Variants in TYW1B observed in about 807,000 individuals in gnomAD.
TYW1B encodes tRNA-yW synthesizing protein 1 homolog B, also known as S-adenosyl-L-methionine-dependent tRNA 4-demethylwyosine synthase TYW1B.
Under a neutral mutation model 86.9 loss-of-function variants are expected in TYW1B, and 73 were observed. The observed-to-expected ratio is 0.84, with a 90% CI of 0.70 to 1.02. The LOEUF is 1.02. Among genes scored for constraint, TYW1B ranks in the 50% least tolerant of loss-of-function variants. The probability of loss-of-function intolerance (pLI) is 0.00; values close to 1 mark genes in which losing one functional copy is unlikely to be tolerated. For synonymous variants in TYW1B, 248 were observed against 292.8 expected (o/e 0.85, Z 1.56); for missense variants, 637 against 827.4 (o/e 0.77, Z 2.82).
chr7:72,639,460 T>C (rs1554441222), intron 11 of TYW1B, among the ~76,000 whole-genome samples: 1 of 150,732 alleles, frequency 6.6e-6, no homozygotes, highest in East Asian at 2.0e-4. Flanking sequence ...AGCCACCACA[T>C]CCAGCTTGTT....
intron 2 of TYW1B, among the ~76,000 whole-genome samples, chr7:72,823,598 G>A (rs1436156546): frequency 2.0e-5 from 3 of 151,646 alleles, no homozygotes; most frequent in Admixed American, 6.6e-5. Flanking sequence ...CCAGCCTGGC[G>A]ACACAGGGAG....
chr7:72,744,102 C>T (rs1275575246), intron 8 of TYW1B, among the ~76,000 whole-genome samples: 1 of 151,806 alleles, frequency 6.6e-6, no homozygotes, highest in Non-Finnish European at 1.5e-5. Context: ...TAGCATAAAA[C>T]TAGTCGTAGA....
chr7:72,637,899 G>A (rs1308606291), intron 11 of TYW1B, among the ~76,000 whole-genome samples: 8 of 151,050 alleles, frequency 5.3e-5, no homozygotes, highest in Non-Finnish European at 1.0e-4. Flanking sequence ...GAGGCTCCAT[G>A]GTTTGTGCTC....
chr7:72,823,009 CTT>C (rs1291022098), intron 2 of TYW1B: 7 of 143,482 alleles, frequency 4.9e-5, no homozygotes, highest in Non-Finnish European at 3.1e-5. Context: ...TTCTTCTTTC[CTT>C]TTTTTTTTTT....
chr7:72,639,751 AG>A (rs1277443549), intron 11 of TYW1B, among the ~76,000 whole-genome samples: 8 of 151,718 alleles, frequency 5.3e-5, no homozygotes, highest in African/African-American at 9.7e-5. Context: ...CTGTAATCCC[AG>A]CTACTCGGGA....
chr7:72,593,531 C>A (rs1216640458), intron 13 of TYW1B, among the ~76,000 whole-genome samples: 3 of 151,744 alleles, frequency 2.0e-5, no homozygotes, highest in African/African-American at 7.3e-5. Flanking sequence ...AGTTAAAAAT[C>A]AATAAACGAG....
At chr7:72,797,699 G>A (rs1415011528) in intron 6 of TYW1B, among the ~76,000 whole-genome samples, 1 of 152,144 alleles carries the variant, frequency 6.6e-6, no homozygotes, top group African/African-American at 2.4e-5. Context: ...TCTGGATGAA[G>A]GAGTGAGACC....
At chr7:72,731,858 C>T (rs1554460021) in intron 8 of TYW1B, among the ~76,000 whole-genome samples, 1 of 152,114 alleles carries the variant, frequency 6.6e-6, no homozygotes, top group Non-Finnish European at 1.5e-5. Flanking sequence ...AGGAGAATTG[C>T]TTGAACCTGA....
chr7:72,644,384 C>T (rs1812875576), intron 11 of TYW1B, among the ~76,000 whole-genome samples: 1 of 152,016 alleles, frequency 6.6e-6, no homozygotes, highest in African/African-American at 2.4e-5. Context: ...CCTGTCTCTA[C>T]TAAAAATACA....
intron 9 of TYW1B, 137 bp downstream of exon 9, chr7:72,728,685 T>C (rs1787050048): frequency 3.6e-6 from 3 of 835,590 alleles, no homozygotes; most frequent in Non-Finnish European, 5.5e-6. Flanking sequence ...ATATATAATA[T>C]TCCTACGAAG....
At chr7:72,748,097 C>T (rs553344589) in intron 7 of TYW1B, among the ~76,000 whole-genome samples, 52 of 152,116 alleles carry the variant, frequency 3.4e-4, no homozygotes, top group Non-Finnish European at 5.6e-4. Context: ...GGTGAAACCC[C>T]GTCTCTACTA....
chr7:72,682,687 A>G (rs1554448636), intron 11 of TYW1B, among the ~76,000 whole-genome samples: 1 of 152,174 alleles, frequency 6.6e-6, no homozygotes, highest in African/African-American at 2.4e-5. Context: ...CTGTTCTTAG[A>G]TCCATCAGAG....
intron 11 of TYW1B, among the ~76,000 whole-genome samples, chr7:72,672,745 G>A (rs1459591947): frequency 6.6e-6 from 1 of 152,158 alleles, no homozygotes. Context: ...GATACTGAGA[G>A]ACAACAGTAT....
intron 10 of TYW1B, among the ~76,000 whole-genome samples, chr7:72,710,977 T>G (rs1786649477): frequency 6.6e-6 from 1 of 152,136 alleles, no homozygotes. Flanking sequence ...CACTTTTAAG[T>G]TCCACCTCCC....
At chr7:72,726,896 G>A (rs1479138155) in intron 9 of TYW1B, among the ~76,000 whole-genome samples, 1 of 152,126 alleles carries the variant, frequency 6.6e-6, no homozygotes, top group Non-Finnish European at 1.5e-5. Flanking sequence ...CAAAGGGGAA[G>A]CAAGGCACCT....
chr7:72,583,257 T>C (rs1554429856), intron 13 of TYW1B, among the ~76,000 whole-genome samples: 1 of 151,986 alleles, frequency 6.6e-6, no homozygotes, highest in Admixed American at 6.6e-5. Flanking sequence ...GGCTGAAGCA[T>C]GAGAACTGGT....
In TYW1B at chr7:72,672,631, T is replaced by C. The variant is rs148666048; in HGVS notation, c.1506+22056A>G. Among the ~76,000 whole-genome samples, 625 of 152,208 alleles carry C rather than the reference T, an allele frequency of 4.1e-3. 5 individuals carry two copies. The highest frequency in any genetic ancestry group is 0.014 in the African/African-American group (595 of 41,534). On this transcript the variant is annotated intron_variant, in intron 11 of 13. Transcript: ENST00000620995. ...ACTCGAGGGATGTAGGAACCTCGAA[T>C]AGAGAAGGCCAACTTTTCATATCTG... is the stretch of plus-strand genomic sequence containing the variant.
At chr7:72,754,233 G>A (rs910604725) in intron 7 of TYW1B, among the ~76,000 whole-genome samples, 2 of 151,426 alleles carry the variant, frequency 1.3e-5, no homozygotes, top group South Asian at 2.1e-4. Flanking sequence ...TCCACCTCCC[G>A]GGTTCAAGCA....
chr7:72,777,647 G>A, intron 6 of TYW1B, 114 bp from the exon 7 acceptor site: 1 of 1,218,142 alleles, frequency 8.2e-7, no homozygotes, highest in Non-Finnish European at 1.1e-6. Flanking sequence ...TGGGCATAGT[G>A]GCTCACGCCT....
Sources: gnomAD v4.1 joint callset for allele counts (sites outside exome capture counted in the v4.1 genomes callset) on GRCh38, gnomAD v4.1.1 for gene constraint, MANE v1.5 for transcripts, NCBI Gene and HGNC (gene_info 2026-07-23, HGNC 2026-07-21) for gene names.